Variants in ABCG5 observed in about 807,000 individuals in gnomAD.
ABCG5 encodes the protein ATP-binding cassette sub-family G member 5.
Under a neutral mutation model 64.5 loss-of-function variants are expected in ABCG5, and 64 were observed. That is an observed-to-expected ratio of 0.99 (90% CI 0.81 to 1.22). The LOEUF (loss-of-function observed/expected upper bound fraction) is 1.22, where lower values mean the gene tolerates loss of function less well. Among genes scored for constraint, ABCG5 ranks in the 50% most tolerant of loss-of-function variants. The pLI is 0.00. For missense variants in ABCG5, 908 were observed against 829.5 expected (o/e 1.09, Z -1.16); for synonymous variants, 385 against 326.3 (o/e 1.18, Z -1.94).
In ABCG5 at chr2:43,825,763, C is replaced by T. The variant is rs112402021; in HGVS notation, c.774+619G>A. Among the ~76,000 whole-genome samples, 42 of 152,212 alleles carry T rather than the reference C, an allele frequency of 2.8e-4. No individual in the cohort carries two copies. The East Asian group carries it at 6.6e-3, about 24-fold the overall frequency. On this transcript the variant is annotated intron_variant, in intron 6 of 12. Transcript: ENST00000405322. The stretch of plus-strand genomic sequence containing the variant: ...CTGGGATTACAGGCGCACACCACCA[C>T]GCCCAACTATCAATTTTGAATCATT...
Position 43,813,046 on chromosome 2 carries a change from C to G in ABCG5, c.*70G>C. On this transcript the variant is annotated 3_prime_UTR_variant, in exon 13 of 13. Transcript: ENST00000405322. ...TCAAGAAAGAAATACATGGCACTCTCATTTCAGACGTTCAGAGCAGTCATG... is the reference window on the plus strand; with the variant it reads ...TCAAGAAAGAAATACATGGCACTCTGATTTCAGACGTTCAGAGCAGTCATG... The G allele has an allele frequency of 1.3e-6, 1 of 762,742 alleles. No individual in the cohort carries two copies. Among genetic ancestry groups the G allele is most frequent in the South Asian group, 1.4e-5 (1 of 70,414 alleles). The allele number at this position is 762,742 out of a possible 1,614,324, so 47.2% of individuals were successfully genotyped here. A position where few individuals can be genotyped will look rare whatever the true frequency, so the allele number is the denominator to read the frequency against.
chr2:43,807,893 G>GT (rs1280245366), downstream of ABCG5, among the ~76,000 whole-genome samples: 3 of 151,568 alleles, frequency 2.0e-5, no homozygotes, highest in African/African-American at 4.8e-5. Context: ...TCATTGTCAT[G>GT]TTGAAGATCT....
In ABCG5 at chr2:43,838,456, A is replaced by G; in HGVS notation, c.143+81T>C. ...CCGAAGTGCCCAGACTGGCACTTAA[A>G]GAGTGAAGAAAGGCAGCAGAGGGGT... is the stretch of plus-strand genomic sequence containing the variant. On this transcript the variant is annotated intron_variant, in intron 1 of 12. Coordinates refer to ENST00000405322, the MANE Select transcript of ABCG5 (RefSeq NM_022436.3). The surrounding 1 kb of genome is among the most constrained non-coding windows in gnomAD (Gnocchi z 4.2). 7.2e-7 allele frequency: 1 copy of G among 1,395,218 alleles called. No individual in the cohort carries two copies. The highest frequency in any genetic ancestry group is 1.3e-5 in the South Asian group (1 of 79,796). 86.4% of individuals were successfully genotyped at this position (1,395,218 alleles called of 1,614,324 possible).
At chr2:43,815,910 G>GAAAAAAA (rs4148200) in intron 11 of ABCG5, among the ~76,000 whole-genome samples, 6 of 104,032 alleles carry the variant, frequency 5.8e-5, no homozygotes, top group African/African-American at 9.7e-5. Flanking sequence ...AACAGGAAAA[G>GAAAAAAA]AAAAAAAAAA....
intron 11 of ABCG5, among the ~76,000 whole-genome samples, chr2:43,818,106 A>G (rs1489684103): frequency 6.6e-6 from 1 of 152,206 alleles, no homozygotes; most frequent in Non-Finnish European, 1.5e-5. Flanking sequence ...AATGTAATTT[A>G]TTGAATCCTG....
intron 5 of ABCG5, among the ~76,000 whole-genome samples, chr2:43,827,478 T>C (rs1194705537): frequency 6.6e-6 from 1 of 152,156 alleles, no homozygotes; most frequent in East Asian, 1.9e-4. Context: ...GCTGCATGAG[T>C]GGCGAGGTTT....
intron 7 of ABCG5, 75 bp from the exon 8 acceptor site, chr2:43,824,507 A>C: frequency 6.2e-7 from 1 of 1,600,028 alleles, no homozygotes. Context: ...CAATTGGTAC[A>C]GGAGTACTGG....
intron 9 of ABCG5, among the ~76,000 whole-genome samples, chr2:43,823,308 A>G (rs1435099317): frequency 4.0e-5 from 3 of 75,238 alleles, no homozygotes; most frequent in African/African-American, 1.1e-4. Flanking sequence ...AGCAGCCTGC[A>G]TTTTAGACTT....
At chr2:43,825,928 C>T (rs1667568358) in intron 6 of ABCG5, among the ~76,000 whole-genome samples, 2 of 152,192 alleles carry the variant, frequency 1.3e-5, no homozygotes, top group African/African-American at 2.4e-5. Flanking sequence ...TCATCCTTTG[C>T]TCTTCCCCTC....
At chr2:43,807,824 C>T (rs1666325392), downstream of ABCG5, among the ~76,000 whole-genome samples, 1 of 135,854 alleles carries the variant, frequency 7.4e-6, no homozygotes, top group African/African-American at 2.7e-5. Flanking sequence ...CCACAGTTAT[C>T]TTCGGAAAAC....
intron 4 of ABCG5, among the ~76,000 whole-genome samples, chr2:43,828,973 T>A (rs10169893): frequency 0.36 from 54,341 of 149,912 alleles, 10,698 homozygotes; most frequent in East Asian, 0.83. Flanking sequence ...TCAAAAAAAA[T>A]AATAATAAAT....
rs549807303 is a variant in ABCG5, at chr2:43,816,314, G to A, written c.1650-1725C>T. On this transcript the variant is annotated intron_variant, in intron 11 of 12. Transcript: ENST00000405322. The stretch of plus-strand genomic sequence containing the variant: ...TTCAAGGGGTGGATAATCTATTACA[G>A]CAAAGGAAGACCGTGACAGGAAGTA... 2.0e-5 allele frequency among the ~76,000 whole-genome samples: 3 copies of A among 152,286 alleles called. No homozygotes were observed. The South Asian group carries it at 6.2e-4, about 32-fold the overall frequency.
At chr2:43,825,493 G>C (rs1667541617) in intron 6 of ABCG5, among the ~76,000 whole-genome samples, 1 of 152,208 alleles carries the variant, frequency 6.6e-6, no homozygotes, top group African/African-American at 2.4e-5. Flanking sequence ...AAATCAGTAT[G>C]ATTTCGTGGA....
intron 9 of ABCG5, 61 bp downstream of exon 9, chr2:43,823,852 C>T (rs1667410538): frequency 2.5e-6 from 4 of 1,574,610 alleles, no homozygotes; most frequent in African/African-American, 2.7e-5. Flanking sequence ...TGTAAGGTTA[C>T]AGCTGGAGAA....
chr2:43,817,605 T>G (rs1286319039), intron 11 of ABCG5, among the ~76,000 whole-genome samples: 1 of 151,862 alleles, frequency 6.6e-6, no homozygotes, highest in Non-Finnish European at 1.5e-5. Flanking sequence ...GTTGAAAATA[T>G]TCTAAGTTAA....
chr2:43,815,497 A>G (rs1666758337), intron 11 of ABCG5, among the ~76,000 whole-genome samples: 1 of 152,210 alleles, frequency 6.6e-6, no homozygotes, highest in Non-Finnish European at 1.5e-5. Flanking sequence ...TGTATTTAGT[A>G]TTTATGGTTT....
At chr2:43,828,147 G>A in intron 4 of ABCG5, 32 bp from the exon 5 acceptor site, 1 of 1,613,410 alleles carries the variant, frequency 6.2e-7, no homozygotes, top group Non-Finnish European at 8.5e-7. Context: ...GGAAGGCTGG[G>A]AGTCTCTGTG....
chr2:43,832,075 T>C lies in ABCG5; in HGVS notation c.274A>G (p.Lys92Glu). ...GACATGGCGTCCAGCAGCGTGGTTTTCCCGGAGCCTGCGGGGCGACAACAG... is the reference window on the plus strand; with the variant it reads ...GACATGGCGTCCAGCAGCGTGGTTTCCCCGGAGCCTGCGGGGCGACAACAG... Reference protein sequence around the residue: ...MCILGSSGSGKTTLLDAMSGR... With the variant: ...MCILGSSGSGETTLLDAMSGR... The change falls in exon 3 of 13, where the codon AAA becomes GAA. Residue 92 changes from lysine to glutamate, a missense_variant. Coordinates refer to ENST00000405322, the MANE Select transcript of ABCG5 (RefSeq NM_022436.3). 1.3e-6 allele frequency: 2 copies of C among 1,579,960 alleles called. No homozygotes were observed. The highest frequency in any genetic ancestry group is 1.7e-6 in the Non-Finnish European group (2 of 1,163,496).
intron 2 of ABCG5, among the ~76,000 whole-genome samples, chr2:43,834,547 G>A (rs890261086): frequency 2.0e-5 from 3 of 152,228 alleles, no homozygotes; most frequent in East Asian, 3.9e-4. Flanking sequence ...TTAAAAAAAT[G>A]TGTCAAGTAT....
Sources: gnomAD v4.1 joint callset for allele counts (sites outside exome capture counted in the v4.1 genomes callset) on GRCh38, gnomAD v4.1.1 for gene constraint, Gnocchi (gnomAD v3.1) non-coding constraint, MANE v1.5 for transcripts, NCBI Gene and HGNC (gene_info 2026-07-23, HGNC 2026-07-21) for gene names.